Variants in AOPEP observed in about 807,000 individuals in gnomAD.
AOPEP encodes aminopeptidase O.
A neutral mutation model predicts 98.1 loss-of-function variants in AOPEP; 77 were observed. The observed-to-expected ratio is 0.78, with a 90% CI of 0.65 to 0.95. The LOEUF is 0.95. AOPEP is among the 40% of genes least tolerant of loss of function. The pLI is 0.00. For missense variants in AOPEP, 1,024 were observed against 1,024.7 expected, an observed-to-expected ratio of 1.00 and a Z score of 0.01; for synonymous variants, 346 against 365.3, an observed-to-expected ratio of 0.95 and a Z score of 0.60.
the AOPEP span, among the ~76,000 whole-genome samples, chr9:95,140,540 G>A: frequency 6.6e-4 from 100 of 152,280 alleles, 1 homozygote; most frequent in East Asian, 0.017. Context: ...AAAGGTTCTT[G>A]ATGAGGGAGG....
chr9:94,928,457 G>T lies in AOPEP; in HGVS notation c.1587G>T (p.Glu529Asp). ...LAPYEAREQQ[E>D]LRACLRWRRL... The stretch of plus-strand genomic sequence containing the variant: ...CCTATGAGGCCCGGGAGCAGCAGGA[G>T]CTGAGGGCTTGTCTGCGCTGGCGTC... The change falls in exon 7 of 17, where the codon GAG becomes GAT. Residue 529 changes from glutamate to aspartate, a missense_variant. Coordinates refer to ENST00000375315, the MANE Select transcript of AOPEP (RefSeq NM_001193329.3). 1 of 1,549,820 alleles carries T rather than the reference G, an allele frequency of 6.5e-7. No individual in the cohort carries two copies. The highest frequency in any genetic ancestry group is 8.7e-7 in the Non-Finnish European group (1 of 1,146,992).
At chr9:94,851,356 G>A (rs2043525331) in intron 5 of AOPEP, among the ~76,000 whole-genome samples, 1 of 152,114 alleles carries the variant, frequency 6.6e-6, no homozygotes, top group African/African-American at 2.4e-5. Context: ...TTTGTATCAT[G>A]GCATTTAAAA....
chr9:94,950,501 G>T (rs1001710842), intron 7 of AOPEP, among the ~76,000 whole-genome samples: 3 of 152,198 alleles, frequency 2.0e-5, no homozygotes, highest in Non-Finnish European at 2.9e-5. Context: ...TTCCCCTGCA[G>T]GTCTCACCTG....
At chr9:95,142,151 C>T in the AOPEP span, among the ~76,000 whole-genome samples, 1 of 151,984 alleles carries the variant, frequency 6.6e-6, no homozygotes, top group African/African-American at 2.4e-5. Flanking sequence ...TGCCATCACA[C>T]CCAGCTAATT....
At chr9:94,966,906 A>T (rs1023970674) in intron 9 of AOPEP, among the ~76,000 whole-genome samples, 3 of 152,162 alleles carry the variant, frequency 2.0e-5, no homozygotes, top group African/African-American at 7.2e-5. Context: ...TCATATTCGA[A>T]TTTTTTAGGT....
At chr9:95,034,924 T>A (rs1266069141) in intron 13 of AOPEP, among the ~76,000 whole-genome samples, 1 of 152,098 alleles carries the variant, frequency 6.6e-6, no homozygotes, top group Non-Finnish European at 1.5e-5. Flanking sequence ...AGACATCCAA[T>A]AACACCCAAC....
intron 5 of AOPEP, among the ~76,000 whole-genome samples, chr9:94,873,129 G>A (rs939646367): frequency 3.9e-5 from 6 of 152,126 alleles, no homozygotes; most frequent in African/African-American, 1.4e-4. Context: ...AAAAAAACAG[G>A]GAGGAAAAAA....
chr9:94,996,125 G>C (rs2061211853), intron 11 of AOPEP, among the ~76,000 whole-genome samples: 1 of 152,114 alleles, frequency 6.6e-6, no homozygotes. Flanking sequence ...GGCCTGTGTA[G>C]CATTAAACAC....
chr9:95,107,172 T>C, the AOPEP span: 1 of 1,614,186 alleles, frequency 6.2e-7, no homozygotes, highest in East Asian at 2.2e-5. Context: ...GAGGTCTGTG[T>C]CTGTGCCCTG....
chr9:94,991,222 C>T (rs2060873596), intron 11 of AOPEP, among the ~76,000 whole-genome samples: 2 of 152,232 alleles, frequency 1.3e-5, no homozygotes, highest in South Asian at 2.1e-4. Flanking sequence ...GCTACTTTTA[C>T]AGTCAGGGCT....
chr9:95,062,259 TA>T (rs2067381033), intron 14 of AOPEP, among the ~76,000 whole-genome samples: 1 of 54,606 alleles, frequency 1.8e-5, no homozygotes, highest in Non-Finnish European at 7.1e-5. Context: ...GGCAGATCTC[TA>T]GTACAGCGCA....
chr9:94,864,281 TAGTA>T (rs1333991162), intron 5 of AOPEP, among the ~76,000 whole-genome samples: 2 of 152,290 alleles, frequency 1.3e-5, no homozygotes, highest in Middle Eastern at 3.4e-3. Flanking sequence ...TATGAGATAA[TAGTA>T]AGTACTATAT....
chr9:94,763,191 CT>C (rs1420743700), intron 2 of AOPEP: 9 of 404,538 alleles, frequency 2.2e-5, no homozygotes, highest in East Asian at 1.6e-4. Context: ...AAGAGAATGA[CT>C]TTTTTTGAAT....
At chr9:94,763,105 G>A in intron 2 of AOPEP, 1 of 460,846 alleles carries the variant, frequency 2.2e-6, no homozygotes, top group South Asian at 1.6e-5. Flanking sequence ...GGGATGAGAA[G>A]CTCTTTATTC....
At chr9:94,766,821 GA>G (rs1262435682) in intron 2 of AOPEP, among the ~76,000 whole-genome samples, 2 of 151,530 alleles carry the variant, frequency 1.3e-5, no homozygotes, top group African/African-American at 2.4e-5. Flanking sequence ...AAAACATTGT[GA>G]TTTTTTTGTT....
chr9:94,926,448 A>G (rs1407780797), intron 6 of AOPEP, among the ~76,000 whole-genome samples: 1 of 152,216 alleles, frequency 6.6e-6, no homozygotes, highest in Non-Finnish European at 1.5e-5. Flanking sequence ...AGGTACATGC[A>G]GTAACTCTTC....
At chr9:94,756,622 T>TC (rs140017846) in intron 1 of AOPEP, among the ~76,000 whole-genome samples, 2,154 of 152,272 alleles carry the variant, frequency 0.014, 48 homozygotes, top group East Asian at 0.089. Context: ...GAACACTTCT[T>TC]CCCCACTTCT....
chr9:94,768,142 A>AT (rs1840037032), intron 2 of AOPEP, among the ~76,000 whole-genome samples: 1 of 152,190 alleles, frequency 6.6e-6, no homozygotes, highest in South Asian at 2.1e-4. Flanking sequence ...CTTATAAAAG[A>AT]TTCTGACCCC....
chr9:94,911,655 AG>A (rs1172179142), intron 5 of AOPEP, among the ~76,000 whole-genome samples: 1 of 152,238 alleles, frequency 6.6e-6, no homozygotes, highest in Non-Finnish European at 1.5e-5. Context: ...TTTTAAAAAA[AG>A]CTTTTCTCAA....
Sources: gnomAD v4.1 joint callset for allele counts (sites outside exome capture counted in the v4.1 genomes callset) on GRCh38, gnomAD v4.1.1 for gene constraint, MANE v1.5 for transcripts, NCBI Gene and HGNC (gene_info 2026-07-23, HGNC 2026-07-21) for gene names.